The following PCDHA3 variants were observed in gnomAD, a reference collection of about 807,000 sequenced individuals.
PCDHA3 encodes protocadherin alpha 3, also known as protocadherin alpha-3.
Under a neutral mutation model 62.2 loss-of-function variants are expected in PCDHA3, and 41 were observed. The ratio of observed to expected loss-of-function variants is 0.66; its 90% confidence interval spans 0.51 to 0.86. The LOEUF is 0.86. PCDHA3 is among the 40% of genes least tolerant of loss of function. The pLI is 0.00. For missense variants in PCDHA3, 1,304 were observed against 1,241.2 expected (o/e 1.05, Z -0.76); for synonymous variants, 640 against 555.4 (o/e 1.15, Z -2.14).
chr5:140,824,052 T>C, intron 1 of PCDHA3: 1 of 1,614,200 alleles, frequency 6.2e-7, no homozygotes, highest in Non-Finnish European at 8.5e-7. Flanking sequence ...GGGTGTGCTC[T>C]GGGGAAGCTC....
chr5:140,869,403 G>C, intron 1 of PCDHA3: 3 of 1,614,206 alleles, frequency 1.9e-6, no homozygotes, highest in Non-Finnish European at 2.5e-6. Flanking sequence ...GGCAGAGCGC[G>C]GAGTGCAGCA....
intron 3 of PCDHA3, among the ~76,000 whole-genome samples, chr5:141,006,156 TA>T (rs1554260585): frequency 6.6e-6 from 1 of 151,588 alleles, no homozygotes; most frequent in East Asian, 1.9e-4. Flanking sequence ...AGGAGTGATA[TA>T]ATCTGATTTA....
chr5:140,836,528 G>A, intron 1 of PCDHA3: 2 of 1,613,816 alleles, frequency 1.2e-6, no homozygotes, highest in Non-Finnish European at 8.5e-7. Context: ...TGCTTACCCT[G>A]CTGCTGTACA....
intron 3 of PCDHA3, among the ~76,000 whole-genome samples, chr5:141,000,648 G>A (rs559996046): frequency 8.9e-4 from 134 of 150,894 alleles, no homozygotes; most frequent in African/African-American, 2.6e-3. Flanking sequence ...GGCTGGTCTC[G>A]AACTCCTGAC....
intron 1 of PCDHA3, among the ~76,000 whole-genome samples, chr5:140,874,557 G>A (rs782715249): frequency 9.9e-5 from 15 of 152,144 alleles, no homozygotes; most frequent in Non-Finnish European, 1.6e-4. Flanking sequence ...GAGATCTTTC[G>A]CATTTTAGTG....
Position 140,801,494 on chromosome 5 carries a change from C to T in PCDHA3, c.297C>T (p.Ser99=). 1.2e-6 allele frequency: 2 copies of T among 1,614,120 alleles called. No individual in the cohort carries two copies. Among genetic ancestry groups the T allele is most frequent in the South Asian group, 2.2e-5 (2 of 91,082 alleles). Residue 99 remains serine, a synonymous_variant, in exon 1 of 4, where the codon AGC becomes AGT. Transcript: ENST00000522353. ...ACCGCGAGGAACTGTGCGGGCGGAG[C>T]GCGGAGTGCAGCATCCACCTGGAGG... is the stretch of plus-strand genomic sequence containing the variant. ...RIDREELCGR[S]AECSIHLEVI... is the part of the protein sequence containing the mutation.
intron 1 of PCDHA3, chr5:140,882,983 GC>G: frequency 1.2e-6 from 2 of 1,614,130 alleles, no homozygotes; most frequent in Non-Finnish European, 1.7e-6. Context: ...GAATGACAAC[GC>G]CCCGGAATTT....
At chr5:140,830,050 C>T in intron 1 of PCDHA3, 1 of 1,613,786 alleles carries the variant, frequency 6.2e-7, no homozygotes, top group Non-Finnish European at 8.5e-7. Flanking sequence ...TGGTGAAAGA[C>T]CACGGTGAGC....
chr5:140,926,469 C>A (rs558686220), intron 1 of PCDHA3: 1 of 162,452 alleles, frequency 6.2e-6, no homozygotes, highest in Admixed American at 6.4e-5. Context: ...TAGAAAACAC[C>A]GTTTAAGGAG....
chr5:140,884,409 C>A (rs373513056), intron 1 of PCDHA3: 1 of 1,613,992 alleles, frequency 6.2e-7, no homozygotes, highest in Non-Finnish European at 8.5e-7. Context: ...TTGGTGCTCA[C>A]GTTGCTGCTG....
intron 1 of PCDHA3, chr5:140,823,132 G>A: frequency 6.2e-7 from 1 of 1,614,036 alleles, no homozygotes; most frequent in South Asian, 1.1e-5. Flanking sequence ...CAACGCTCCG[G>A]CGTTCGCGCA....
intron 1 of PCDHA3, among the ~76,000 whole-genome samples, chr5:140,891,735 A>G (rs1200695234): frequency 2.6e-5 from 4 of 152,172 alleles, no homozygotes; most frequent in African/African-American, 9.7e-5. Context: ...TGAAAATTCA[A>G]TCCCTTATAC....
At chr5:140,951,832 C>A (rs2094641157) in intron 1 of PCDHA3, among the ~76,000 whole-genome samples, 1 of 152,142 alleles carries the variant, frequency 6.6e-6, no homozygotes, top group East Asian at 1.9e-4. Context: ...CTCATTCCAG[C>A]ATTAAGCCAA....
intron 1 of PCDHA3, among the ~76,000 whole-genome samples, chr5:140,855,264 T>C (rs560224323): frequency 1.3e-5 from 2 of 149,870 alleles, no homozygotes; most frequent in South Asian, 4.2e-4. Context: ...TATATTATAA[T>C]TCACTCAACC....
chr5:140,967,959 G>A lies in PCDHA3; in HGVS notation c.2395-10990G>A, dbSNP rs782716187. ...AATGACCAAGACTCAGGCCCCAACC[G>A]GAAAGTGAGCCTGGGTCTGGAGGCC... On this transcript the variant is annotated intron_variant, in intron 1 of 3. Transcript: ENST00000522353. The A allele has an allele frequency of 1.5e-5, 25 of 1,614,046 alleles. No individual in the cohort carries two copies. Among genetic ancestry groups the A allele is most frequent in the Non-Finnish European group, 1.9e-5 (23 of 1,180,058 alleles).
At chr5:140,942,406 G>GT (rs1554214961) in intron 1 of PCDHA3, among the ~76,000 whole-genome samples, 2 of 149,658 alleles carry the variant, frequency 1.3e-5, no homozygotes, top group South Asian at 2.1e-4. Flanking sequence ...ATGAGACTCT[G>GT]TTTAAAAAAA....
At chr5:140,883,570 G>T (rs1554178743) in intron 1 of PCDHA3, 1 of 1,614,098 alleles carries the variant, frequency 6.2e-7, no homozygotes, top group South Asian at 1.1e-5. Context: ...GCTCGCCTTC[G>T]CTGTGGGCCA....
chr5:140,965,975 T>TGA (rs1554227957), intron 1 of PCDHA3, among the ~76,000 whole-genome samples: 1 of 152,180 alleles, frequency 6.6e-6, no homozygotes, highest in Non-Finnish European at 1.5e-5. Flanking sequence ...CCCTAGGAGT[T>TGA]GAGCACTTTC....
At chr5:140,967,481 G>C (rs1554229603) in intron 1 of PCDHA3, 2 of 1,613,426 alleles carry the variant, frequency 1.2e-6, no homozygotes, top group Admixed American at 1.7e-5. Flanking sequence ...AGCCCGCTCG[G>C]GTACGGCACA....
Sources: allele counts gnomAD v4.1 joint callset (sites outside exome capture counted in the v4.1 genomes callset), GRCh38; gene constraint gnomAD v4.1.1; transcripts MANE v1.5; gene names NCBI Gene and HGNC (gene_info 2026-07-23, HGNC 2026-07-21).